Variants in MS4A6E observed in about 807,000 individuals in gnomAD.
The protein encoded by MS4A6E is membrane spanning 4-domains A6E.
MS4A6E carries 8 observed loss-of-function variants against 13.2 expected under a neutral mutation model. The observed-to-expected ratio is 0.60, with a 90% CI of 0.35 to 1.09. MS4A6E has a LOEUF of 1.09. Among genes scored for constraint, MS4A6E ranks in the 50% least tolerant of loss-of-function variants. The probability of loss-of-function intolerance (pLI) is 0.02; values close to 1 mark genes in which losing one functional copy is unlikely to be tolerated. For synonymous variants in MS4A6E, 72 were observed against 67.6 expected, an observed-to-expected ratio of 1.06 and a Z score of -0.32; for missense variants, 177 against 171.1, an observed-to-expected ratio of 1.03 and a Z score of -0.19.
At chr11:60,339,134 C>T (rs1019940707) in intron 3 of MS4A6E, among the ~76,000 whole-genome samples, 1 of 152,114 alleles carries the variant, frequency 6.6e-6, no homozygotes, top group African/African-American at 2.4e-5. Flanking sequence ...AAATTACCTC[C>T]CTTTATTATC....
At chr11:60,341,418 A>G (rs2085225011), downstream of MS4A6E, among the ~76,000 whole-genome samples, 1 of 152,180 alleles carries the variant, frequency 6.6e-6, no homozygotes, top group Admixed American at 6.5e-5. Flanking sequence ...CCAAATTTTA[A>G]CTCAATTTTC....
At chr11:60,338,862 G>T (rs565930196) in intron 3 of MS4A6E, among the ~76,000 whole-genome samples, 27 of 152,268 alleles carry the variant, frequency 1.8e-4, no homozygotes, top group African/African-American at 5.5e-4. Flanking sequence ...TGCTTCCAAG[G>T]TAATGGTATA....
At chr11:60,342,174 TGTGTGA>T (rs1459593008), downstream of MS4A6E, among the ~76,000 whole-genome samples, 202 of 31,770 alleles carry the variant, frequency 6.4e-3, 2 homozygotes, top group Middle Eastern at 0.12. Flanking sequence ...TGTGTGTGTG[TGTGTGA>T]GAGAGAGAGA....
At chr11:60,337,478 T>C (rs2085194852) in intron 2 of MS4A6E, among the ~76,000 whole-genome samples, 1 of 152,016 alleles carries the variant, frequency 6.6e-6, no homozygotes, top group Non-Finnish European at 1.5e-5. Context: ...AGGGAAAGAA[T>C]TTAGGAGAGT....
rs754989594 is a variant in MS4A6E at position 60,339,966 on chromosome 11, T to A, written c.*9+2T>A. On this transcript the variant is annotated splice_donor_variant, in intron 4 of 4. Coordinates refer to ENST00000684409, the MANE Select transcript of MS4A6E (RefSeq NM_139249.4). LOFTEE classifies it low-confidence loss of function (3UTR_SPLICE). ...AAACAGACTGTCTGACTTCCCTGGG[T>A]GAGTGTGCTGGCCAGCCTCGCTTAA... The A allele has an allele frequency of 6.2e-7, 1 of 1,613,084 alleles. No individual in the cohort carries two copies.
chr11:60,348,170 G>A (rs2085264218), intron 4 of MS4A6E, among the ~76,000 whole-genome samples: 1 of 152,174 alleles, frequency 6.6e-6, no homozygotes. Flanking sequence ...GTTAAAGGTA[G>A]AGTTTTTTTC....
intron 4 of MS4A6E, among the ~76,000 whole-genome samples, chr11:60,348,810 G>C (rs2135070441): frequency 6.6e-6 from 1 of 152,374 alleles, no homozygotes; most frequent in East Asian, 1.9e-4. Context: ...TCTGAGACTT[G>C]AGAACAGCAG....
At chr11:60,333,985 C>G (rs2085172729) in intron 1 of MS4A6E, among the ~76,000 whole-genome samples, 1 of 152,120 alleles carries the variant, frequency 6.6e-6, no homozygotes, top group African/African-American at 2.4e-5. Flanking sequence ...CCTCTTTCAC[C>G]CTGATACAGT....
At chr11:60,345,596 C>T (rs1026173056), downstream of MS4A6E, among the ~76,000 whole-genome samples, 1 of 152,158 alleles carries the variant, frequency 6.6e-6, no homozygotes, top group Admixed American at 6.5e-5. Flanking sequence ...TATTCAGGTT[C>T]CCCAGCTTCC....
At chr11:60,347,200 C>T (rs2085260342) in intron 4 of MS4A6E, among the ~76,000 whole-genome samples, 1 of 152,080 alleles carries the variant, frequency 6.6e-6, no homozygotes, top group Admixed American at 6.5e-5. Context: ...TCAGATTGTC[C>T]CCCTGGAATA....
At chr11:60,341,515 C>T (rs931122814), downstream of MS4A6E, among the ~76,000 whole-genome samples, 6 of 152,134 alleles carry the variant, frequency 3.9e-5, no homozygotes, top group Non-Finnish European at 7.4e-5. Context: ...CCAGTTCATA[C>T]TTACGTCCTT....
intron 2 of MS4A6E, among the ~76,000 whole-genome samples, chr11:60,335,824 C>T (rs2085185505): frequency 6.6e-6 from 1 of 152,194 alleles, no homozygotes; most frequent in African/African-American, 2.4e-5. Flanking sequence ...AAAACTACCT[C>T]CTAAGACAGA....
intron 3 of MS4A6E, among the ~76,000 whole-genome samples, chr11:60,338,186 T>C (rs2085201421): frequency 6.6e-6 from 1 of 152,244 alleles, no homozygotes; most frequent in Non-Finnish European, 1.5e-5. Flanking sequence ...TTACGGTTTG[T>C]AGAGTTTCTT....
chr11:60,337,677 A>C lies in MS4A6E; in HGVS notation c.148-64A>C. ...AGGGAATAACTTGCAATGTAATGGCAAAAAGGGATAAGAGAGATTCGTGGC... is the reference window on the plus strand; with the variant it reads ...AGGGAATAACTTGCAATGTAATGGCCAAAAGGGATAAGAGAGATTCGTGGC... On this transcript the variant is annotated intron_variant, in intron 2 of 4. Coordinates refer to ENST00000684409, the MANE Select transcript of MS4A6E (RefSeq NM_139249.4). 5 of 1,593,128 alleles carry C rather than the reference A, an allele frequency of 3.1e-6. No individual in the cohort carries two copies. The South Asian group carries it at 3.3e-5, about 11-fold the overall frequency.
At chr11:60,328,688 T>A (rs1427196901) in intron 1 of MS4A6E, among the ~76,000 whole-genome samples, 1 of 152,064 alleles carries the variant, frequency 6.6e-6, no homozygotes, top group East Asian at 1.9e-4. Flanking sequence ...ATATGTGGAA[T>A]CTAAAATAAC....
At chr11:60,327,434 T>G (rs1168085482) in intron 1 of MS4A6E, among the ~76,000 whole-genome samples, 26 bp downstream of exon 1, 1 of 152,226 alleles carries the variant, frequency 6.6e-6, no homozygotes, top group Non-Finnish European at 1.5e-5. Flanking sequence ...CTATTTTTTA[T>G]AATTACCCAG....
intron 4 of MS4A6E, among the ~76,000 whole-genome samples, chr11:60,347,661 C>T (rs138361044): frequency 2.0e-5 from 3 of 152,108 alleles, no homozygotes; most frequent in African/African-American, 7.2e-5. Flanking sequence ...TGAGGGCATC[C>T]ACCCTACTGT....
chr11:60,329,815 C>T (rs1174685567), intron 1 of MS4A6E, among the ~76,000 whole-genome samples: 1 of 142,144 alleles, frequency 7.0e-6, no homozygotes, highest in Non-Finnish European at 1.5e-5. Context: ...TGTTCATATC[C>T]TTCACCCACT....
chr11:60,335,067 G>T (rs1356605055), intron 2 of MS4A6E, 25 bp downstream of exon 2: 1 of 1,613,424 alleles, frequency 6.2e-7, no homozygotes, highest in Admixed American at 1.7e-5. Context: ...GAACATGTTG[G>T]AGAGGGGTTA....
Sources: allele counts gnomAD v4.1 joint callset (sites outside exome capture counted in the v4.1 genomes callset), GRCh38; gene constraint gnomAD v4.1.1; transcripts MANE v1.5; gene names NCBI Gene and HGNC (gene_info 2026-07-23, HGNC 2026-07-21).